HERC1: variants seen among roughly 807,000 people sequenced by gnomAD.
HERC1 encodes the protein HECT and RLD domain containing E3 ubiquitin protein ligase family member 1.
HERC1 carries 160 observed loss-of-function variants against 554.3 expected under a neutral mutation model. The ratio of observed to expected loss-of-function variants is 0.29; its 90% confidence interval spans 0.25 to 0.33. The LOEUF (loss-of-function observed/expected upper bound fraction) is 0.33, where lower values mean the gene tolerates loss of function less well. HERC1 is among the 10% of genes least tolerant of loss of function. HERC1 has a pLI of 1.00. For missense variants in HERC1, 4,919 were observed against 5,918.5 expected, an observed-to-expected ratio of 0.83 and a Z score of 5.54; for synonymous variants, 2,175 against 2,131.7, an observed-to-expected ratio of 1.02 and a Z score of -0.56.
chr15:63,663,072 G>A lies in HERC1; in HGVS notation c.8813C>T (p.Ala2938Val), dbSNP rs548499916. ...GTCTTGTCCAAACATAGCTTCCATC[G>A]CCTCATCATCAAGATCAATTTCCAA... ...EELEIDLDDEAMEAMFGQDLT... is the reference protein window; with the variant it reads ...EELEIDLDDEVMEAMFGQDLT... The change falls in exon 44 of 78, where the codon GCG (alanine) becomes GTG (valine). Residue 2938 changes from alanine (A) to valine (V), a missense_variant. Transcript: ENST00000443617. 98 of 1,613,742 alleles carry A rather than the reference G, an allele frequency of 6.1e-5. No homozygotes were observed. The highest frequency in any genetic ancestry group is 7.9e-5 in the Non-Finnish European group (93 of 1,179,834).
rs138861642 is a variant in HERC1, at chr15:63,696,430, A to C, written c.4906-91T>G. 320 of 791,856 alleles carry C rather than the reference A, an allele frequency of 4.0e-4. 1 individual carries two copies. The East Asian group carries it at 7.9e-3, about 20-fold the overall frequency. The allele number at this position is 791,856 out of a possible 1,614,324, so 49.1% of individuals were successfully genotyped here. A position where few individuals can be genotyped will look rare whatever the true frequency, so the allele number is the denominator to read the frequency against. On this transcript the variant is annotated intron_variant, in intron 26 of 77. Transcript: ENST00000443617. ...AAAAACAGTATTTTTAACACTTAGA[A>C]AATTCTGACATTTCATATGAATCTA... is the stretch of plus-strand genomic sequence containing the variant.
intron 1 of HERC1, among the ~76,000 whole-genome samples, chr15:63,817,686 G>C (rs976165323): frequency 6.6e-6 from 1 of 152,158 alleles, no homozygotes; most frequent in Non-Finnish European, 1.5e-5. Flanking sequence ...CTACACTCCA[G>C]TGTGGGTGAC....
chr15:63,782,528 G>A (rs1422682912), intron 1 of HERC1, among the ~76,000 whole-genome samples: 2 of 152,184 alleles, frequency 1.3e-5, no homozygotes. Context: ...AACGCACCTA[G>A]TCACTCAAGA....
At chr15:63,795,090 A>G (rs35656049) in intron 1 of HERC1, among the ~76,000 whole-genome samples, 1 of 142,898 alleles carries the variant, frequency 7.0e-6, no homozygotes, top group Non-Finnish European at 1.6e-5. Context: ...AAAAAAAAGT[A>G]AAGGAATAAT....
At position 63,775,112 on chromosome 15, in the gene HERC1, G is replaced by A. The variant is rs1406820744; in HGVS notation, c.512C>T (p.Ala171Val). The change falls in exon 2 of 78, where the codon GCG becomes GTG. Residue 171 changes from alanine to valine, a missense_variant. By Grantham distance (64) the Ala-to-Val change is moderately conservative. This residue lies in a region of HERC1 where 744 missense variants were observed against 1,090.0 expected (regional missense o/e 0.68). Coordinates refer to ENST00000443617, the MANE Select transcript of HERC1 (RefSeq NM_003922.4). This position sits in a 1 kb window ranked among gnomAD's most constrained non-coding sequence, Gnocchi z 4.0. Reference sequence around the variant, plus strand: ...CATCATCCAACTTTGTCTTAGAAGCGCAAATAATAAACTTAGACCAGTTCG... The same window carrying A: ...CATCATCCAACTTTGTCTTAGAAGCACAAATAATAAACTTAGACCAGTTCG... ...GVRTGLSLLF[A>V]LLRQSWMMPV... The A allele has an allele frequency of 6.2e-6, 10 of 1,613,936 alleles. No individual in the cohort carries two copies. Among genetic ancestry groups the A allele is most frequent in the East Asian group, 2.2e-5 (1 of 44,886 alleles).
chr15:63,641,463 G>C lies in HERC1; in HGVS notation c.11607+7C>G, dbSNP rs992653380. 1.2e-6 allele frequency: 2 copies of C among 1,607,572 alleles called. No homozygotes were observed. Among genetic ancestry groups the C allele is most frequent in the African/African-American group, 1.3e-5 (1 of 74,772 alleles). On this transcript the variant is annotated splice_region_variant and intron_variant, in intron 60 of 77. Coordinates refer to ENST00000443617, the MANE Select transcript of HERC1 (RefSeq NM_003922.4). ...GTGTATCTCTAGGAGTGAGTGTAATGAGTTACCTTTTCATAGGCATACTGC... is the reference window on the plus strand; with the variant it reads ...GTGTATCTCTAGGAGTGAGTGTAATCAGTTACCTTTTCATAGGCATACTGC...
intron 74 of HERC1, among the ~76,000 whole-genome samples, chr15:63,620,021 A>G (rs1036697130): frequency 6.6e-6 from 1 of 151,624 alleles, no homozygotes; most frequent in East Asian, 1.9e-4. Flanking sequence ...TTAGTTATTT[A>G]TTGCCTTCTG....
chr15:63,753,715 T>C (rs2075325303), intron 7 of HERC1, among the ~76,000 whole-genome samples: 1 of 152,200 alleles, frequency 6.6e-6, no homozygotes. Flanking sequence ...CTAATTAAAG[T>C]AGACATAGAT....
intron 44 of HERC1, 46 bp downstream of exon 44, chr15:63,662,938 G>T: frequency 6.9e-7 from 1 of 1,441,422 alleles, no homozygotes; most frequent in Non-Finnish European, 9.7e-7. Flanking sequence ...ATGAACAGGA[G>T]GGCAGGAAAA....
chr15:63,705,501 T>A (rs1218794402), intron 25 of HERC1, among the ~76,000 whole-genome samples: 1 of 151,642 alleles, frequency 6.6e-6, no homozygotes, highest in Non-Finnish European at 1.5e-5. Context: ...GCTATATACA[T>A]GAAAATGAAA....
intron 1 of HERC1, among the ~76,000 whole-genome samples, chr15:63,789,098 T>G (rs1476429937): frequency 7.9e-6 from 1 of 126,254 alleles, no homozygotes; most frequent in East Asian, 2.4e-4. Flanking sequence ...TTTTTTTTTT[T>G]TTTTTTTTTT....
intron 24 of HERC1, among the ~76,000 whole-genome samples, chr15:63,711,708 C>T (rs1322174234): frequency 3.9e-5 from 6 of 152,282 alleles, no homozygotes; most frequent in Middle Eastern, 3.4e-3. Flanking sequence ...CCATCTCAAA[C>T]GCTAGCATTT....
intron 1 of HERC1, among the ~76,000 whole-genome samples, chr15:63,832,054 TAAC>T (rs2078173202): frequency 6.6e-6 from 1 of 152,156 alleles, no homozygotes; most frequent in East Asian, 1.9e-4. Flanking sequence ...TCCATTCCAA[TAAC>T]AACAACCCCA....
chr15:63,625,458 G>A (rs1250651968), intron 71 of HERC1, among the ~76,000 whole-genome samples: 1 of 152,112 alleles, frequency 6.6e-6, no homozygotes, highest in African/African-American at 2.4e-5. Flanking sequence ...TTTGGGAGGT[G>A]GAGGTGGGGG....
chr15:63,807,758 A>G (rs551998726), intron 1 of HERC1, among the ~76,000 whole-genome samples: 1 of 152,164 alleles, frequency 6.6e-6, no homozygotes, highest in Non-Finnish European at 1.5e-5. Flanking sequence ...CAATTCCTAC[A>G]TCACTCAGTT....
intron 12 of HERC1, among the ~76,000 whole-genome samples, chr15:63,738,863 A>T (rs2074662580): frequency 6.6e-6 from 1 of 152,196 alleles, no homozygotes; most frequent in Admixed American, 6.5e-5. Context: ...ACCCTTTTCA[A>T]AATCTTACAC....
At chr15:63,675,458 T>G (rs899460101) in intron 37 of HERC1, among the ~76,000 whole-genome samples, 3 of 152,224 alleles carry the variant, frequency 2.0e-5, no homozygotes, top group Non-Finnish European at 1.5e-5. Context: ...CACTCAACCC[T>G]GCCATCATAG....
At position 63,692,994 on chromosome 15, in the gene HERC1, A is replaced by T. The variant is rs558846549; in HGVS notation, c.5675-428T>A. On this transcript the variant is annotated intron_variant, in intron 30 of 77. Transcript: ENST00000443617. This position sits in a 1 kb window ranked among gnomAD's most constrained non-coding sequence, Gnocchi z 4.7. ...TCAGGAGTTCAAGATCAGCCTGGCC[A>T]ACATAGCGAAACCCCGTCTCTAATA... Among the ~76,000 whole-genome samples the T allele has an allele frequency of 1.3e-5, 2 of 152,002 alleles. No individual in the cohort carries two copies. The highest frequency in any genetic ancestry group is 2.9e-5 in the Non-Finnish European group (2 of 68,000).
chr15:63,640,525 C>T, intron 60 of HERC1, 80 bp from the exon 61 acceptor site: 2 of 1,165,436 alleles, frequency 1.7e-6, no homozygotes, highest in Non-Finnish European at 2.4e-6. Flanking sequence ...GTCTGAAAGT[C>T]TGGAATCATA....
Sources: allele counts gnomAD v4.1 joint callset (sites outside exome capture counted in the v4.1 genomes callset), GRCh38; gene constraint gnomAD v4.1.1; regional missense constraint gnomAD v4.1.1; non-coding constraint Gnocchi (gnomAD v3.1); transcripts MANE v1.5; gene names NCBI Gene and HGNC (gene_info 2026-07-23, HGNC 2026-07-21).